Variants in PDE7A observed in about 807,000 individuals in gnomAD.
PDE7A encodes phosphodiesterase 7A.
A neutral mutation model predicts 64.3 loss-of-function variants in PDE7A; 39 were observed. The observed-to-expected ratio is 0.61, with a 90% CI of 0.47 to 0.79. The LOEUF (loss-of-function observed/expected upper bound fraction) is 0.79, where lower values mean the gene tolerates loss of function less well. Ranked by LOEUF, PDE7A falls within the 30% of genes least tolerant of loss-of-function variation. The probability of loss-of-function intolerance (pLI) is 0.00; values close to 1 mark genes in which losing one functional copy is unlikely to be tolerated. For synonymous variants in PDE7A, 203 were observed against 206.8 expected (o/e 0.98, Z 0.16); for missense variants, 470 against 582.8 (o/e 0.81, Z 1.99).
chr8:65,748,652 CTT>C (rs1807796081), intron 3 of PDE7A, among the ~76,000 whole-genome samples: 1 of 152,252 alleles, frequency 6.6e-6, no homozygotes, highest in East Asian at 1.9e-4. Flanking sequence ...TAAATCATCT[CTT>C]AATTTAGAAT....
intron 3 of PDE7A, among the ~76,000 whole-genome samples, chr8:65,769,069 G>A (rs1470849500): frequency 1.3e-5 from 2 of 151,926 alleles, no homozygotes; most frequent in Non-Finnish European, 2.9e-5. Flanking sequence ...CCAACATGGT[G>A]AAACCCCGTC....
At chr8:65,775,000 T>C (rs1448002714) in intron 3 of PDE7A, among the ~76,000 whole-genome samples, 3 of 152,226 alleles carry the variant, frequency 2.0e-5, no homozygotes, top group Non-Finnish European at 4.4e-5. Context: ...GCTGGATTAA[T>C]TTATGTTTTC....
At chr8:65,800,408 A>C (rs996628477) in intron 1 of PDE7A, among the ~76,000 whole-genome samples, 1 of 152,120 alleles carries the variant, frequency 6.6e-6, no homozygotes, top group African/African-American at 2.4e-5. Context: ...AGATATCTCA[A>C]CCTTTTAAAC....
At chr8:65,747,403 C>A (rs1807723570) in intron 4 of PDE7A, among the ~76,000 whole-genome samples, 1 of 152,092 alleles carries the variant, frequency 6.6e-6, no homozygotes, top group African/African-American at 2.4e-5. Flanking sequence ...TATTGATCTC[C>A]TTGTTACGTA....
intron 1 of PDE7A, among the ~76,000 whole-genome samples, chr8:65,817,797 G>A (rs1024291437): frequency 2.7e-5 from 4 of 150,764 alleles, no homozygotes. Flanking sequence ...CTGTCGCCCA[G>A]GCTGGAGTGC....
At chr8:65,730,134 G>A (rs1319207448) in intron 7 of PDE7A, among the ~76,000 whole-genome samples, 2 of 134,742 alleles carry the variant, frequency 1.5e-5, no homozygotes, top group African/African-American at 5.5e-5. Flanking sequence ...AAACCCTATT[G>A]TAAACTGTGC....
rs190005505 is a variant in PDE7A at position 65,831,952 on chromosome 8, C to G, written c.138+9419G>C. ...TTAAAAATAACTTATAATTTCACCACCCAGCAATAGCTTCAGTTAGCATTT... is the reference window on the plus strand; with the variant it reads ...TTAAAAATAACTTATAATTTCACCAGCCAGCAATAGCTTCAGTTAGCATTT... On this transcript the variant is annotated intron_variant, in intron 1 of 12. Transcript: ENST00000401827. Among the ~76,000 whole-genome samples, 406 of 152,296 alleles carry G rather than the reference C, an allele frequency of 2.7e-3. 1 individual carries two copies. The highest frequency in any genetic ancestry group is 4.8e-3 in the Admixed American group (73 of 15,296).
Position 65,828,928 on chromosome 8 carries a change from C to T in PDE7A, c.138+12443G>A, listed in dbSNP as rs150447615. On this transcript the variant is annotated intron_variant, in intron 1 of 12. Transcript: ENST00000401827. ...ATTTTCTACCGAGTAGTCTTATATT[C>T]GAGTATTTTGCTAATTTTCTACTGA... Among the ~76,000 whole-genome samples, 1,074 of 151,930 alleles carry T rather than the reference C, an allele frequency of 7.1e-3. 12 individuals are homozygous for T. Among genetic ancestry groups the T allele is most frequent in the African/African-American group, 0.025 (1,021 of 41,456 alleles).
intron 1 of PDE7A, among the ~76,000 whole-genome samples, chr8:65,828,952 G>A (rs55663523): frequency 1.3e-5 from 2 of 151,948 alleles, no homozygotes; most frequent in African/African-American, 4.8e-5. Context: ...ATTTTCTACT[G>A]AGTAGTCTTT....
At chr8:65,837,973 C>G (rs531294988) in intron 1 of PDE7A, among the ~76,000 whole-genome samples, 1 of 150,914 alleles carries the variant, frequency 6.6e-6, no homozygotes, top group Non-Finnish European at 1.5e-5. Flanking sequence ...ACGCATAACA[C>G]AAGGAGCCTC....
At chr8:65,790,833 G>T (rs1179893027) in intron 1 of PDE7A, among the ~76,000 whole-genome samples, 1 of 152,230 alleles carries the variant, frequency 6.6e-6, no homozygotes, top group Non-Finnish European at 1.5e-5. Flanking sequence ...TAAGGTTCTA[G>T]CAACTAAACT....
chr8:65,799,151 A>G (rs990239389), intron 1 of PDE7A, among the ~76,000 whole-genome samples: 1 of 152,154 alleles, frequency 6.6e-6, no homozygotes, highest in Non-Finnish European at 1.5e-5. Flanking sequence ...AAAGAGTACA[A>G]TATCTTGATT....
chr8:65,811,768 A>G lies in PDE7A; in HGVS notation c.139-28925T>C, dbSNP rs566441835. On this transcript the variant is annotated intron_variant, in intron 1 of 12. Transcript: ENST00000401827. The stretch of plus-strand genomic sequence containing the variant: ...GAAGGGAGTTTTCGACAAATGATAG[A>G]TTCTTCTAGAATGATAAACATACAC... 2.6e-5 allele frequency among the ~76,000 whole-genome samples: 4 copies of G among 152,330 alleles called. No homozygotes were observed. In the East Asian group the frequency reaches 7.7e-4, roughly 29 times the overall value.
intron 1 of PDE7A, among the ~76,000 whole-genome samples, chr8:65,828,913 G>A (rs578241527): frequency 6.6e-5 from 10 of 151,672 alleles, no homozygotes; most frequent in South Asian, 4.2e-4. Context: ...ATTTTCTACC[G>A]AGTAGTCTTA....
At chr8:65,808,047 T>C (rs1489192207) in intron 1 of PDE7A, among the ~76,000 whole-genome samples, 1 of 152,204 alleles carries the variant, frequency 6.6e-6, no homozygotes, top group Non-Finnish European at 1.5e-5. Context: ...GTTCTGTACA[T>C]GTCTTCCCCA....
At chr8:65,775,919 T>C (rs1183917995) in intron 3 of PDE7A, among the ~76,000 whole-genome samples, 1 of 152,158 alleles carries the variant, frequency 6.6e-6, no homozygotes, top group Non-Finnish European at 1.5e-5. Flanking sequence ...TGAGCCACCA[T>C]GCCCGGCCTC....
chr8:65,758,680 A>G lies in PDE7A; in HGVS notation c.284-10877T>C, dbSNP rs572743141. ...TTTCAAACTATACTCTGAAGAGGTT[A>G]TCTCTCTGCCCAGTGCTGGACATTA... is the stretch of plus-strand genomic sequence containing the variant. On this transcript the variant is annotated intron_variant, in intron 3 of 12. Coordinates refer to ENST00000401827, the MANE Select transcript of PDE7A (RefSeq NM_001242318.3). Among the ~76,000 whole-genome samples, 3 of 152,348 alleles carry G rather than the reference A, an allele frequency of 2.0e-5. No homozygotes were observed. The East Asian group carries it at 5.8e-4, about 29-fold the overall frequency.
chr8:65,787,854 G>C (rs915051377), intron 1 of PDE7A, among the ~76,000 whole-genome samples: 1 of 151,630 alleles, frequency 6.6e-6, no homozygotes, highest in Non-Finnish European at 1.5e-5. Flanking sequence ...ACATTAACTT[G>C]ACCTTCATTC....
At position 65,723,601 on chromosome 8, in the gene PDE7A, G is replaced by A; in HGVS notation, c.1183C>T (p.His395Tyr). Residue 395 changes from histidine to tyrosine, a missense_variant, in exon 12 of 13, where the codon CAT becomes TAT. Coordinates refer to ENST00000401827, the MANE Select transcript of PDE7A (RefSeq NM_001242318.3). ...TCGCAAAGTGGACTCACACCCAAATGATATTTTTTTTCTATATCTCCTATA... is the reference window on the plus strand; with the variant it reads ...TCGCAAAGTGGACTCACACCCAAATAATATTTTTTTTCTATATCTCCTATA... ...FHQGDIEKKY[H>Y]LGVSPLCDRH... 1 of 1,573,310 alleles carries A rather than the reference G, an allele frequency of 6.4e-7. No homozygotes were observed. The highest frequency in any genetic ancestry group is 8.6e-7 in the Non-Finnish European group (1 of 1,163,842).
Sources: gnomAD v4.1 joint callset for allele counts (sites outside exome capture counted in the v4.1 genomes callset) on GRCh38, gnomAD v4.1.1 for gene constraint, MANE v1.5 for transcripts, NCBI Gene and HGNC (gene_info 2026-07-23, HGNC 2026-07-21) for gene names.